Variants in PDE1C observed in about 807,000 individuals in gnomAD.
The protein encoded by PDE1C is phosphodiesterase 1C, also known as dual specificity calcium/calmodulin-dependent 3',5'-cyclic nucleotide phosphodiesterase 1C.
In PDE1C, 62 loss-of-function variants were observed where a neutral mutation model predicts 93.1. The ratio of observed to expected loss-of-function variants is 0.67; its 90% CI spans 0.54 to 0.82. The LOEUF is 0.82. Among genes scored for constraint, PDE1C ranks in the 40% least tolerant of loss-of-function variants. The pLI is 0.00. For missense variants in PDE1C, 742 were observed against 884.6 expected (o/e 0.84, Z 2.04); for synonymous variants, 325 against 310.1 (o/e 1.05, Z -0.50).
the PDE1C span, among the ~76,000 whole-genome samples, chr7:31,685,442 C>A: frequency 6.6e-6 from 1 of 152,192 alleles, no homozygotes; most frequent in African/African-American, 2.4e-5. Flanking sequence ...CCTGTATTAT[C>A]CCTCACAACG....
chr7:32,310,551 T>C (rs1416201541), intron 1 of PDE1C, among the ~76,000 whole-genome samples: 1 of 152,126 alleles, frequency 6.6e-6, no homozygotes, highest in Admixed American at 6.5e-5. Flanking sequence ...TAACAAACTG[T>C]CTCTCAGACC....
chr7:32,374,723 A>G (rs1784406084), intron 1 of PDE1C, among the ~76,000 whole-genome samples: 1 of 152,240 alleles, frequency 6.6e-6, no homozygotes, highest in Non-Finnish European at 1.5e-5. Context: ...TTAAGCCACT[A>G]AGACTTTGGG....
downstream of PDE1C, among the ~76,000 whole-genome samples, chr7:31,749,115 T>G (rs1351570378): frequency 6.6e-6 from 1 of 152,092 alleles, no homozygotes; most frequent in African/African-American, 2.4e-5. Flanking sequence ...TTTCAAAAGC[T>G]TGGTGGCTGT....
At chr7:31,733,807 C>T in the PDE1C span, among the ~76,000 whole-genome samples, 2 of 152,144 alleles carry the variant, frequency 1.3e-5, no homozygotes, top group Non-Finnish European at 2.9e-5. Flanking sequence ...ACCAGCCTGG[C>T]CAACAGGGCG....
At chr7:32,120,575 C>G (rs538262907) in intron 3 of PDE1C, among the ~76,000 whole-genome samples, 1 of 152,246 alleles carries the variant, frequency 6.6e-6, no homozygotes, top group African/African-American at 2.4e-5. Context: ...TATCTCCAGG[C>G]ACAGGGGTGA....
intron 2 of PDE1C, among the ~76,000 whole-genome samples, chr7:31,887,012 C>A (rs888960190): frequency 6.6e-6 from 1 of 152,064 alleles, no homozygotes; most frequent in Non-Finnish European, 1.5e-5. Context: ...AATGGAGGAA[C>A]AGAATGATGA....
chr7:32,019,087 A>G (rs1788297338), intron 2 of PDE1C, among the ~76,000 whole-genome samples: 1 of 151,590 alleles, frequency 6.6e-6, no homozygotes, highest in Non-Finnish European at 1.5e-5. Flanking sequence ...GCCCAAAGGT[A>G]ATCAAACCCT....
the PDE1C span, among the ~76,000 whole-genome samples, chr7:31,738,326 C>T: frequency 5.1e-4 from 78 of 152,246 alleles, no homozygotes; most frequent in Admixed American, 1.0e-3. Flanking sequence ...GTGGGGAGGC[C>T]TCACAATCAT....
At chr7:31,790,165 A>T in intron 16 of PDE1C, 1 of 1,600,298 alleles carries the variant, frequency 6.2e-7, no homozygotes. Context: ...TTGTGGAAGA[A>T]GGAGAAGAAG....
Position 32,019,602 on chromosome 7 carries a change from A to G in PDE1C, c.128+31952T>C, listed in dbSNP as rs916682914. ...GAAGGAAATACAAATGGAAGCAAAT[A>G]CCTAAATTAAGAGGCCACTGGGAAA... On this transcript the variant is annotated intron_variant, in intron 2 of 17. Coordinates refer to ENST00000396191, the MANE Select transcript of PDE1C (RefSeq NM_001191057.4). Among the ~76,000 whole-genome samples, 5 of 152,170 alleles carry G rather than the reference A, an allele frequency of 3.3e-5. No individual in the cohort carries two copies. The East Asian group carries it at 9.6e-4, about 29-fold the overall frequency.
intron 3 of PDE1C, among the ~76,000 whole-genome samples, chr7:32,167,117 C>T (rs1239852451): frequency 1.3e-5 from 2 of 152,096 alleles, no homozygotes; most frequent in Admixed American, 1.3e-4. Context: ...GAAAAACACC[C>T]ATCATTGATA....
At chr7:31,990,412 A>C (rs1029333944) in intron 2 of PDE1C, among the ~76,000 whole-genome samples, 2 of 152,106 alleles carry the variant, frequency 1.3e-5, no homozygotes, top group African/African-American at 4.8e-5. Context: ...AGCCATGTGG[A>C]ACTGTGAGTC....
At chr7:32,427,920 TCTC>T (rs1463783560) in exon 1 of PDE1C, 9 of 152,294 alleles carry the variant, frequency 5.9e-5, no homozygotes, top group Admixed American at 5.9e-4. Context: ...CGGCAGCTCT[TCTC>T]GATGTCTCGC....
chr7:31,671,390 A>G, the PDE1C span, among the ~76,000 whole-genome samples: 1 of 152,156 alleles, frequency 6.6e-6, no homozygotes. Context: ...AGCAAGTTTG[A>G]GTGCCTTTGC....
intron 1 of PDE1C, among the ~76,000 whole-genome samples, chr7:32,230,682 A>AC: frequency 6.6e-6 from 1 of 151,908 alleles, no homozygotes; most frequent in South Asian, 2.1e-4. Context: ...CCCAGAGTCC[A>AC]CCCCTTTTCC....
the PDE1C span, among the ~76,000 whole-genome samples, chr7:31,663,307 A>G: frequency 3.9e-5 from 6 of 152,130 alleles, no homozygotes; most frequent in Non-Finnish European, 8.8e-5. Context: ...TTCCGCCACC[A>G]CTGCTGCTGC....
At chr7:31,795,430 AAAG>A (rs1290141586) in intron 16 of PDE1C, among the ~76,000 whole-genome samples, 1 of 151,840 alleles carries the variant, frequency 6.6e-6, no homozygotes, top group African/African-American at 2.4e-5. Flanking sequence ...ATTAAGGAAA[AAAG>A]AAAAATCACA....
intron 2 of PDE1C, among the ~76,000 whole-genome samples, chr7:31,907,703 A>C (rs1008743582): frequency 2.0e-5 from 3 of 152,212 alleles, no homozygotes; most frequent in African/African-American, 7.2e-5. Context: ...TGAATGTGAA[A>C]AAAATCCCAA....
chr7:31,877,395 TGA>T (rs1237654146), intron 5 of PDE1C, among the ~76,000 whole-genome samples: 1 of 152,098 alleles, frequency 6.6e-6, no homozygotes, highest in Non-Finnish European at 1.5e-5. Flanking sequence ...TTTGGCTCAG[TGA>T]GAGTCTTTGG....
Sources: gnomAD v4.1 joint callset for allele counts (sites outside exome capture counted in the v4.1 genomes callset) on GRCh38, gnomAD v4.1.1 for gene constraint, MANE v1.5 for transcripts, NCBI Gene and HGNC (gene_info 2026-07-23, HGNC 2026-07-21) for gene names.